Variants in CSMD2 observed in about 807,000 individuals in gnomAD.
The protein encoded by CSMD2 is CUB and sushi domain-containing protein 2.
CSMD2 carries 130 observed loss-of-function variants against 398.5 expected under a neutral mutation model. That is an observed-to-expected ratio of 0.33 (90% CI 0.28 to 0.38). CSMD2 has a LOEUF of 0.38. Among genes scored for constraint, CSMD2 ranks in the 10% least tolerant of loss-of-function variants. The pLI is 1.00. For missense variants in CSMD2, 3,829 were observed against 4,764.9 expected (o/e 0.80, Z 5.78); for synonymous variants, 1,828 against 1,908.5 (o/e 0.96, Z 1.10).
intron 48 of CSMD2, 91 bp downstream of exon 48, chr1:33,580,662 T>C (rs1026595478): frequency 4.9e-6 from 7 of 1,422,258 alleles, no homozygotes; most frequent in African/African-American, 2.8e-5. Flanking sequence ...GAGGCAGATT[T>C]AGGAGGGGAA....
At chr1:33,797,711 C>T (rs1411204202) in intron 10 of CSMD2, among the ~76,000 whole-genome samples, 1 of 152,152 alleles carries the variant, frequency 6.6e-6, no homozygotes, top group Non-Finnish European at 1.5e-5. Flanking sequence ...GCATATAAAA[C>T]ACCACAAGGC....
At chr1:33,898,691 T>C (rs1031866161) in intron 5 of CSMD2, among the ~76,000 whole-genome samples, 11 of 152,054 alleles carry the variant, frequency 7.2e-5, no homozygotes, top group African/African-American at 2.4e-4. Context: ...GAAAGGGTAA[T>C]TACAAAAAGA....
intron 5 of CSMD2, among the ~76,000 whole-genome samples, chr1:33,898,344 A>G (rs1642527463): frequency 6.6e-6 from 1 of 152,212 alleles, no homozygotes; most frequent in South Asian, 2.1e-4. Flanking sequence ...GCTGACAATG[A>G]AAGAGTGAAT....
intron 1 of CSMD2, among the ~76,000 whole-genome samples, chr1:34,097,907 T>G: frequency 8.0e-6 from 1 of 124,892 alleles, no homozygotes; most frequent in Admixed American, 8.7e-5. Context: ...GCCATCCCAT[T>G]ACTGGGTATA....
At chr1:33,761,528 T>A (rs80122767) in intron 13 of CSMD2, among the ~76,000 whole-genome samples, 2,876 of 152,276 alleles carry the variant, frequency 0.019, 37 homozygotes, top group South Asian at 0.03. Flanking sequence ...CCAGAGGAAT[T>A]CAAGGAAGGG....
rs1355448066 is a variant in CSMD2 at position 34,103,319 on chromosome 1, G to A, written c.188-14126C>T. ...TTTTTTTTTTTTTTTTTCTTTCTGA[G>A]CCAGATTCTCGCTCTGTCAACCAGG... On this transcript the variant is annotated intron_variant, in intron 1 of 70. Coordinates refer to ENST00000373381, the MANE Select transcript of CSMD2 (RefSeq NM_001281956.2). Among the ~76,000 whole-genome samples, 49 of 111,956 alleles carry A rather than the reference G, an allele frequency of 4.4e-4. 1 individual carries two copies. Among genetic ancestry groups the A allele is most frequent in the Middle Eastern group, 6.2e-3 (1 of 162 alleles). The allele number at this position is 111,956 out of a possible 152,430, so 73.4% of individuals were successfully genotyped here.
chr1:33,980,742 T>A (rs1646136150), intron 3 of CSMD2, among the ~76,000 whole-genome samples: 1 of 152,156 alleles, frequency 6.6e-6, no homozygotes, highest in African/African-American at 2.4e-5. Flanking sequence ...TAGGCAGTCA[T>A]CAGAAAGCCC....
chr1:33,966,130 C>A (rs181208803), intron 3 of CSMD2, among the ~76,000 whole-genome samples: 2 of 152,278 alleles, frequency 1.3e-5, no homozygotes, highest in East Asian at 3.9e-4. Context: ...GGACAGGAAA[C>A]CTACATGGCT....
chr1:33,751,173 AC>A (rs1250449166), intron 13 of CSMD2, among the ~76,000 whole-genome samples: 3 of 152,088 alleles, frequency 2.0e-5, no homozygotes, highest in African/African-American at 7.2e-5. Context: ...TTATTAGAAA[AC>A]AAAAACTTAA....
rs112884062 is a variant in CSMD2, at chr1:33,694,397, G to A, written c.3926-1341C>T. Among the ~76,000 whole-genome samples the A allele has an allele frequency of 3.9e-4, 60 of 152,204 alleles. 5 individuals are homozygous for A. The highest frequency in any genetic ancestry group is 1.3e-3 in the African/African-American group (53 of 41,514). On this transcript the variant is annotated intron_variant, in intron 24 of 70. Transcript: ENST00000373381. The stretch of plus-strand genomic sequence containing the variant: ...GGCTTTGTGTCCCTACCCAAATTTC[G>A]TCTTGAATTGTAATCCCCAGATATT...
intron 5 of CSMD2, among the ~76,000 whole-genome samples, chr1:33,895,669 T>C (rs961358333): frequency 2.0e-4 from 31 of 152,110 alleles, no homozygotes; most frequent in African/African-American, 6.8e-4. Flanking sequence ...TTAAGTGGCC[T>C]TGGCAGAAAG....
intron 10 of CSMD2, among the ~76,000 whole-genome samples, chr1:33,800,183 G>C (rs1253252543): frequency 6.6e-6 from 1 of 152,202 alleles, no homozygotes; most frequent in Non-Finnish European, 1.5e-5. Flanking sequence ...GTAACTATTA[G>C]CTCCATGAAA....
chr1:33,623,953 C>G (rs1641933213), intron 35 of CSMD2, among the ~76,000 whole-genome samples: 1 of 152,196 alleles, frequency 6.6e-6, no homozygotes, highest in South Asian at 2.1e-4. Flanking sequence ...TGGGGCCTCC[C>G]TCTGCCTGGC....
chr1:33,663,327 T>G (rs1644202320), intron 25 of CSMD2, among the ~76,000 whole-genome samples: 1 of 152,080 alleles, frequency 6.6e-6, no homozygotes, highest in South Asian at 2.1e-4. Flanking sequence ...GTAGGTTTTG[T>G]GCATCCTTTT....
chr1:33,790,845 C>T lies in CSMD2; in HGVS notation c.1550+1578G>A, dbSNP rs188865507. ...TCTATCTATCTATCTATCTATCTAT[C>T]ATCTATCTATCTATCTCTATCTCCT... On this transcript the variant is annotated intron_variant, in intron 11 of 70. Coordinates refer to ENST00000373381, the MANE Select transcript of CSMD2 (RefSeq NM_001281956.2). Among the ~76,000 whole-genome samples the T allele has an allele frequency of 8.3e-3, 1,074 of 128,702 alleles. 7 individuals are homozygous for T. Among genetic ancestry groups the T allele is most frequent in the Non-Finnish European group, 0.013 (800 of 59,546 alleles). The allele number at this position is 128,702 out of a possible 152,430, so 84.4% of individuals were successfully genotyped here.
Position 34,165,086 on chromosome 1 carries a change from C to A in CSMD2, c.12G>T (p.Ser4=), listed in dbSNP as rs1471398743. The A allele has an allele frequency of 2.5e-6, 3 of 1,214,526 alleles. No homozygotes were observed. The East Asian group carries it at 9.9e-5, about 40-fold the overall frequency. 75.2% of individuals were successfully genotyped at this position (1,214,526 alleles called of 1,614,324 possible). A position where few individuals can be genotyped will look rare whatever the true frequency, so the allele number is the denominator to read the frequency against. Residue 4 remains serine, a synonymous_variant, in exon 1 of 71, where the codon TCG becomes TCT. Transcript: ENST00000373381. The part of the protein sequence containing the change: MPR[S]RGRELGRCGC... Reference sequence around the variant, plus strand: ...CGCAGCGCCCCAGCTCCCGTCCCCGCGAGCGCGGCATGGCGCGGCCGGCAG... The same window carrying A: ...CGCAGCGCCCCAGCTCCCGTCCCCGAGAGCGCGGCATGGCGCGGCCGGCAG...
chr1:33,889,966 G>A (rs1251158957), intron 5 of CSMD2, among the ~76,000 whole-genome samples: 1 of 151,326 alleles, frequency 6.6e-6, no homozygotes, highest in African/African-American at 2.4e-5. Flanking sequence ...ATAAAAAGTG[G>A]GTATATACTT....
intron 12 of CSMD2, among the ~76,000 whole-genome samples, chr1:33,783,017 G>A (rs1652992476): frequency 6.6e-6 from 1 of 152,102 alleles, no homozygotes; most frequent in African/African-American, 2.4e-5. Flanking sequence ...CTATTCAAGT[G>A]AGAGGTGATG....
intron 5 of CSMD2, among the ~76,000 whole-genome samples, chr1:33,887,246 G>GA (rs71767187): frequency 0.48 from 70,955 of 148,932 alleles, 16,812 homozygotes; most frequent in Middle Eastern, 0.58. Flanking sequence ...CATAAATTCA[G>GA]AAAAAAAAAA....
Sources: allele counts gnomAD v4.1 joint callset (sites outside exome capture counted in the v4.1 genomes callset), GRCh38; gene constraint gnomAD v4.1.1; transcripts MANE v1.5; gene names NCBI Gene and HGNC (gene_info 2026-07-23, HGNC 2026-07-21).